The following ADGRB3 variants were observed in gnomAD, a reference collection of about 807,000 sequenced individuals.
The protein encoded by ADGRB3 is brain-specific angiogenesis inhibitor 3.
In ADGRB3, 37 loss-of-function variants were observed where a neutral mutation model predicts 193.4. That is an observed-to-expected ratio of 0.19 (90% CI 0.15 to 0.25). The LOEUF (loss-of-function observed/expected upper bound fraction) is 0.25. ADGRB3 is among the 10% of genes least tolerant of loss of function. The probability of loss-of-function intolerance (pLI) is 1.00; values close to 1 mark genes in which losing one functional copy is unlikely to be tolerated. For missense variants in ADGRB3, 1,637 were observed against 1,852.9 expected (o/e 0.88, Z 2.14); for synonymous variants, 690 against 644.2 (o/e 1.07, Z -1.08).
At chr6:69,123,109 A>G (rs1773764107) in intron 17 of ADGRB3, among the ~76,000 whole-genome samples, 1 of 151,698 alleles carries the variant, frequency 6.6e-6, no homozygotes, top group African/African-American at 2.4e-5. Flanking sequence ...GATTTTCATT[A>G]TTATAGGTTT....
At chr6:69,326,570 TA>T (rs1339674661) in intron 21 of ADGRB3, among the ~76,000 whole-genome samples, 1 of 152,174 alleles carries the variant, frequency 6.6e-6, no homozygotes, top group African/African-American at 2.4e-5. Context: ...CTGATGGTGC[TA>T]AAGTATCAGA....
intron 3 of ADGRB3, among the ~76,000 whole-genome samples, chr6:68,879,609 T>C (rs1484284471): frequency 6.6e-6 from 1 of 152,142 alleles, no homozygotes; most frequent in African/African-American, 2.4e-5. Flanking sequence ...CTGACCAGCA[T>C]GCCTGATAGA....
At chr6:68,663,414 TTTA>T (rs1224336578) in intron 3 of ADGRB3, among the ~76,000 whole-genome samples, 3 of 151,578 alleles carry the variant, frequency 2.0e-5, no homozygotes, top group Non-Finnish European at 4.4e-5. Flanking sequence ...ATATTTATAT[TTTA>T]TTAATTATTT....
At position 69,085,101 on chromosome 6, in the gene ADGRB3, C is replaced by T. The variant is rs564611662; in HGVS notation, c.2480+9063C>T. Among the ~76,000 whole-genome samples, 82 of 152,106 alleles carry T rather than the reference C, an allele frequency of 5.4e-4. 3 individuals carry two copies. In the South Asian group the frequency reaches 0.015, roughly 27 times the overall value. On this transcript the variant is annotated intron_variant, in intron 17 of 31. Coordinates refer to ENST00000370598, the MANE Select transcript of ADGRB3 (RefSeq NM_001704.3). Reference sequence around the variant, plus strand: ...AAAAATACCCTCGGTGAAAATATTGCGAAAGATGCCAACCAGAAGATTCCT... The same window carrying T: ...AAAAATACCCTCGGTGAAAATATTGTGAAAGATGCCAACCAGAAGATTCCT...
chr6:69,054,359 A>G (rs940068898), intron 15 of ADGRB3, among the ~76,000 whole-genome samples: 1 of 152,210 alleles, frequency 6.6e-6, no homozygotes, highest in East Asian at 1.9e-4. Flanking sequence ...GAATAGAAAA[A>G]TAATATTGGA....
At chr6:69,291,873 G>A (rs943656189) in intron 20 of ADGRB3, among the ~76,000 whole-genome samples, 1 of 152,062 alleles carries the variant, frequency 6.6e-6, no homozygotes, top group Non-Finnish European at 1.5e-5. Context: ...AACCTAAGAA[G>A]GATTTTCTGA....
chr6:69,245,841 A>C (rs1177461090), intron 20 of ADGRB3, among the ~76,000 whole-genome samples: 1 of 152,184 alleles, frequency 6.6e-6, no homozygotes, highest in Non-Finnish European at 1.5e-5. Flanking sequence ...GGGCAGGACT[A>C]AGTCATACTC....
At chr6:68,797,438 T>TAG (rs1419865901) in intron 3 of ADGRB3, among the ~76,000 whole-genome samples, 1 of 146,732 alleles carries the variant, frequency 6.8e-6, no homozygotes, top group Non-Finnish European at 1.5e-5. Context: ...TTGAAGAAGG[T>TAG]AGAGAGAGAG....
chr6:69,368,694 AAG>A (rs1204066847), intron 29 of ADGRB3, among the ~76,000 whole-genome samples: 3 of 151,504 alleles, frequency 2.0e-5, no homozygotes, highest in African/African-American at 7.2e-5. Flanking sequence ...TGCAGCAAGA[AAG>A]AGGGGGAAAA....
chr6:68,853,424 T>A (rs555810271), intron 3 of ADGRB3, among the ~76,000 whole-genome samples: 28 of 152,152 alleles, frequency 1.8e-4, no homozygotes, highest in African/African-American at 6.5e-4. Flanking sequence ...TTAATAATGC[T>A]TTTCATCCTG....
chr6:69,201,433 CT>C lies in ADGRB3; in HGVS notation c.2481-31849del, dbSNP rs530167052. On this transcript the variant is annotated intron_variant, in intron 17 of 31. Transcript: ENST00000370598. ...AAAATTCTCTATTGATTATTTCCAA[CT>C]TTTTTTTATCTCTCCCTATTCTTAT... Among the ~76,000 whole-genome samples, 22 of 151,848 alleles carry C rather than the reference CT, an allele frequency of 1.4e-4. No homozygotes were observed. In the East Asian group the frequency reaches 1.9e-3, roughly 13 times the overall value.
At chr6:68,871,737 A>C (rs1040107732) in intron 3 of ADGRB3, among the ~76,000 whole-genome samples, 1 of 152,152 alleles carries the variant, frequency 6.6e-6, no homozygotes, top group African/African-American at 2.4e-5. Flanking sequence ...TCTGACAAAA[A>C]GGGCTTTAAA....
At chr6:69,013,327 G>C (rs1769992955) in intron 11 of ADGRB3, among the ~76,000 whole-genome samples, 1 of 152,120 alleles carries the variant, frequency 6.6e-6, no homozygotes, top group Non-Finnish European at 1.5e-5. Flanking sequence ...AATGGGCACT[G>C]CTAGGCGAAG....
chr6:69,260,192 T>A (rs1416878637), intron 20 of ADGRB3, among the ~76,000 whole-genome samples: 1 of 152,216 alleles, frequency 6.6e-6, no homozygotes, highest in Admixed American at 6.5e-5. Context: ...TAATTTATTA[T>A]GTCATTTGAA....
intron 11 of ADGRB3, among the ~76,000 whole-genome samples, chr6:69,007,411 T>G (rs1162649058): frequency 6.6e-6 from 1 of 151,852 alleles, no homozygotes; most frequent in Non-Finnish European, 1.5e-5. Flanking sequence ...TGTGTATCAT[T>G]TTCACCCTCT....
At chr6:68,798,544 G>T (rs533770098) in intron 3 of ADGRB3, among the ~76,000 whole-genome samples, 2 of 151,548 alleles carry the variant, frequency 1.3e-5, no homozygotes, top group African/African-American at 4.9e-5. Flanking sequence ...GGGGTGGGGG[G>T]CTAGACGAGG....
At position 69,233,281 on chromosome 6, in the gene ADGRB3, C is replaced by T. The variant is rs750640418; in HGVS notation, c.2481-9C>T. 9.5e-5 allele frequency: 153 copies of T among 1,613,276 alleles called. No homozygotes were observed. Among genetic ancestry groups the T allele is most frequent in the Non-Finnish European group, 1.2e-4 (145 of 1,179,720 alleles). Reference sequence around the variant, plus strand: ...TCCCGATTTCCTCCCCCCTCACTCCCCTTTGCAGGAACGAGTCTTTGGGAA... The same window carrying T: ...TCCCGATTTCCTCCCCCCTCACTCCTCTTTGCAGGAACGAGTCTTTGGGAA... On this transcript the variant is annotated splice_polypyrimidine_tract_variant and intron_variant, in intron 17 of 31. Coordinates refer to ENST00000370598, the MANE Select transcript of ADGRB3 (RefSeq NM_001704.3).
intron 29 of ADGRB3, among the ~76,000 whole-genome samples, chr6:69,366,012 C>T (rs1328172128): frequency 6.6e-6 from 1 of 151,994 alleles, no homozygotes; most frequent in African/African-American, 2.4e-5. Context: ...TCGATATTCA[C>T]AATATTAGAA....
intron 17 of ADGRB3, 120 bp from the exon 18 acceptor site, chr6:69,233,170 T>A (rs1459939535): frequency 1.0e-5 from 14 of 1,353,950 alleles, no homozygotes; most frequent in Non-Finnish European, 1.4e-5. Context: ...AGTAGATTTT[T>A]TTTTCCTGTA....
Sources: allele counts gnomAD v4.1 joint callset (sites outside exome capture counted in the v4.1 genomes callset), GRCh38; gene constraint gnomAD v4.1.1; transcripts MANE v1.5; gene names NCBI Gene and HGNC (gene_info 2026-07-23, HGNC 2026-07-21).